Variants in ZNF792 observed in about 807,000 individuals in gnomAD.
ZNF792 encodes the protein zinc finger protein 792.
In ZNF792, 14 loss-of-function variants were observed where a neutral mutation model predicts 13.1. The ratio of observed to expected loss-of-function variants is 1.07; its 90% confidence interval spans 0.71 to 1.67. The LOEUF is 1.67. ZNF792 is among the 40% of genes most tolerant of loss of function. ZNF792 has a pLI of 0.00. For synonymous variants in ZNF792, 257 were observed against 292.0 expected, an observed-to-expected ratio of 0.88 and a Z score of 1.22; for missense variants, 740 against 807.9, an observed-to-expected ratio of 0.92 and a Z score of 1.02.
In ZNF792 at chr19:34,959,326, G is replaced by C. The variant is rs201934340; in HGVS notation, c.529C>G (p.Arg177Gly). The C allele has an allele frequency of 1.2e-6, 2 of 1,613,646 alleles. No individual in the cohort carries two copies. The highest frequency in any genetic ancestry group is 1.7e-6 in the Non-Finnish European group (2 of 1,179,682). The change falls in exon 4 of 4, where the codon CGG (arginine) becomes GGG (glycine). Residue 177 changes from arginine (R) to glycine (G), a missense_variant. Arg to Gly is a moderately radical substitution (Grantham distance 125, BLOSUM62 -2). Transcript: ENST00000404801. ...KGSEFSANLP[R>G]KQVQQNVHNP... ...TGTACGTTCTGCTGCACCTGTTTCCGGGGAAGGTTTGCACTGAACTCAGAG... is the reference window on the plus strand; with the variant it reads ...TGTACGTTCTGCTGCACCTGTTTCCCGGGAAGGTTTGCACTGAACTCAGAG...
Position 34,959,200 on chromosome 19 carries a change from A to G in ZNF792, c.655T>C (p.Phe219Leu). Reference sequence around the variant, plus strand: ...TGCAGAAACCCTGCTGTGGCCACAAAGTCCTTCCCACCCTCCCTGCAGGTG... The same window carrying G: ...TGCAGAAACCCTGCTGTGGCCACAAGGTCCTTCCCACCCTCCCTGCAGGTG... ...LSTCREGGKDFVATAGFLQCE... is the reference protein window; with the variant it reads ...LSTCREGGKDLVATAGFLQCE... The change falls in exon 4 of 4, where the codon TTT becomes CTT. Residue 219 changes from phenylalanine to leucine, a missense_variant. Coordinates refer to ENST00000404801, the MANE Select transcript of ZNF792 (RefSeq NM_175872.5). 2.5e-6 allele frequency: 4 copies of G among 1,614,044 alleles called. No individual in the cohort carries two copies. The highest frequency in any genetic ancestry group is 2.2e-5 in the South Asian group (2 of 91,086).
In ZNF792 at chr19:34,958,162, T is replaced by A. The variant is rs367747987; in HGVS notation, c.1693A>T (p.Ser565Cys). ...VHKPDRPYEC[S>C]ECGKAFNQRP... ...TGGTTGAAGGCTTTCCCACATTCGC[T>A]GCATTCGTAAGGCCTGTCTGGTTTG... The change falls in exon 4 of 4, where the codon AGC becomes TGC. Residue 565 changes from serine (S) to cysteine (C), a missense_variant. Transcript: ENST00000404801. The A allele has an allele frequency of 1.2e-5, 19 of 1,611,830 alleles. No individual in the cohort carries two copies. The highest frequency in any genetic ancestry group is 1.6e-5 in the Non-Finnish European group (19 of 1,178,200).
chr19:34,961,005 G>T lies in ZNF792; in HGVS notation c.34-11C>A. 1 of 1,610,222 alleles carries T rather than the reference G, an allele frequency of 6.2e-7. No individual in the cohort carries two copies. Among genetic ancestry groups the T allele is most frequent in the Non-Finnish European group, 8.5e-7 (1 of 1,177,674 alleles). On this transcript the variant is annotated splice_polypyrimidine_tract_variant and intron_variant, in intron 1 of 3. Coordinates refer to ENST00000404801, the MANE Select transcript of ZNF792 (RefSeq NM_175872.5). ...AAAGGTCACGCAGCCCTGCCATGATGGGGACAGTTCGTTCCATGATCAGTC... is the reference window on the plus strand; with the variant it reads ...AAAGGTCACGCAGCCCTGCCATGATTGGGACAGTTCGTTCCATGATCAGTC...
chr19:34,956,627 A>G lies in ZNF792; in HGVS notation c.*1329T>C, dbSNP rs1044823555. ...AAAGCATTAAAAGAAACTGTTGCACATAAAAATCCAACTTCCTACTCATTT... is the reference window on the plus strand; with the variant it reads ...AAAGCATTAAAAGAAACTGTTGCACGTAAAAATCCAACTTCCTACTCATTT... On this transcript the variant is annotated 3_prime_UTR_variant, in exon 4 of 4. Transcript: ENST00000404801. 1.3e-5 allele frequency: 2 copies of G among 152,238 alleles called. No individual in the cohort carries two copies. The highest frequency in any genetic ancestry group is 4.8e-5 in the African/African-American group (2 of 41,462). 9.4% of individuals were successfully genotyped at this position (152,238 alleles called of 1,614,324 possible).
chr19:34,963,861 G>A lies in ZNF792; in HGVS notation c.-199C>T, dbSNP rs759904988. 6.6e-6 allele frequency: 4 copies of A among 608,568 alleles called. No individual in the cohort carries two copies. Among genetic ancestry groups the A allele is most frequent in the South Asian group, 2.3e-5 (1 of 43,938 alleles). 37.7% of individuals were successfully genotyped at this position (608,568 alleles called of 1,614,324 possible). A position where few individuals can be genotyped will look rare whatever the true frequency, so the allele number is the denominator to read the frequency against. The stretch of plus-strand genomic sequence containing the variant: ...CCGGGGCGCAGGCTCCGGGGGCGCC[G>A]AGAGCGCGCAGCTCCGCTGGGTACC... On this transcript the variant is annotated 5_prime_UTR_variant, in exon 1 of 4. Transcript: ENST00000404801.
chr19:34,959,046 A>T lies in ZNF792; in HGVS notation c.809T>A (p.Val270Asp), dbSNP rs2013483616. Residue 270 changes from valine to aspartate, a missense_variant, in exon 4 of 4, where the codon GTT becomes GAT. By Grantham distance (152) the Val-to-Asp change is radical (BLOSUM62 -3). Coordinates refer to ENST00000404801, the MANE Select transcript of ZNF792 (RefSeq NM_175872.5). ...TCTGCTGTGGATTCTCTGGTGCTGA[A>T]CAAGAGTGGATTTGTTATTGAAGGC... is the stretch of plus-strand genomic sequence containing the variant. Reference protein sequence around the residue: ...GDAFNNKSTLVQHQRIHSRER... With the variant: ...GDAFNNKSTLDQHQRIHSRER... 4 of 1,614,092 alleles carry T rather than the reference A, an allele frequency of 2.5e-6. No individual in the cohort carries two copies. Among genetic ancestry groups the T allele is most frequent in the Non-Finnish European group, 3.4e-6 (4 of 1,180,018 alleles).
At chr19:34,959,639 T>C in intron 3 of ZNF792, 68 bp from the exon 4 acceptor site, 2 of 1,475,586 alleles carry the variant, frequency 1.4e-6, no homozygotes, top group Non-Finnish European at 1.8e-6. Context: ...CCATCACCTA[T>C]GCTTGGCTGA....
chr19:34,958,646 G>T lies in ZNF792; in HGVS notation c.1209C>A (p.Phe403Leu). 1 of 1,613,860 alleles carries T rather than the reference G, an allele frequency of 6.2e-7. No individual in the cohort carries two copies. Reference protein sequence around the residue: ...AHECSECGKSFNCNSSLIKHW... With the variant: ...AHECSECGKSLNCNSSLIKHW... ...GTTTAATTAGGCTGGAGTTGCAGTTGAAAGATTTCCCACATTCACTGCACT... is the reference window on the plus strand; with the variant it reads ...GTTTAATTAGGCTGGAGTTGCAGTTTAAAGATTTCCCACATTCACTGCACT... Residue 403 changes from phenylalanine to leucine, a missense_variant, in exon 4 of 4, where the codon TTC (phenylalanine) becomes TTA (leucine). By Grantham distance (22) the Phe-to-Leu change is conservative. Transcript: ENST00000404801.
At chr19:34,960,451 G>A in intron 2 of ZNF792, 94 bp from the exon 3 acceptor site, 3 of 1,493,676 alleles carry the variant, frequency 2.0e-6, no homozygotes, top group Non-Finnish European at 2.7e-6. Flanking sequence ...TATGACACAG[G>A]GACATTGGGT....
In ZNF792 at chr19:34,958,865, C is replaced by T. The variant is rs777929616; in HGVS notation, c.990G>A (p.Arg330=). ...CGTGAGGGCTTTCACCGGTGTGAAC[C>T]CTGCGATGTTTAACAAGGCTGGAGT... The part of the protein sequence containing the change: ...SQHSSLVKHR[R]VHTGESPHVC... Residue 330 remains arginine, a synonymous_variant, in exon 4 of 4, where the codon AGG becomes AGA. Coordinates refer to ENST00000404801, the MANE Select transcript of ZNF792 (RefSeq NM_175872.5). 1 of 1,613,542 alleles carries T rather than the reference C, an allele frequency of 6.2e-7. No individual in the cohort carries two copies. Among genetic ancestry groups the T allele is most frequent in the Non-Finnish European group, 8.5e-7 (1 of 1,179,590 alleles).
At position 34,961,006 on chromosome 19, in the gene ZNF792, G is replaced by A. The variant is rs375746418; in HGVS notation, c.34-12C>T. ...AAGGTCACGCAGCCCTGCCATGATG[G>A]GGACAGTTCGTTCCATGATCAGTCT... On this transcript the variant is annotated splice_polypyrimidine_tract_variant and intron_variant, in intron 1 of 3. Transcript: ENST00000404801. 34 of 1,608,494 alleles carry A rather than the reference G, an allele frequency of 2.1e-5. No homozygotes were observed. The African/African-American group carries it at 4.4e-4, about 21-fold the overall frequency.
In ZNF792 at chr19:34,960,888, A is replaced by G; in HGVS notation, c.140T>C (p.Phe47Ser). ...LLYCDVMLEN[F>S]ALIASLGLIS... is the part of the protein sequence containing the mutation. Reference sequence around the variant, plus strand: ...CTTACCCAGCGAGGCTATAAGTGCAAAGTTTTCCAGCATCACATCGCAGTA... The same window carrying G: ...CTTACCCAGCGAGGCTATAAGTGCAGAGTTTTCCAGCATCACATCGCAGTA... Residue 47 changes from phenylalanine to serine, a missense_variant, in exon 2 of 4, where the codon TTT (phenylalanine) becomes TCT (serine). Physicochemically the swap from Phe to Ser is radical, Grantham distance 155. Transcript: ENST00000404801. 1 of 1,614,010 alleles carries G rather than the reference A, an allele frequency of 6.2e-7. No homozygotes were observed. Among genetic ancestry groups the G allele is most frequent in the Non-Finnish European group, 8.5e-7 (1 of 1,179,966 alleles).
In ZNF792 at chr19:34,959,418, T is replaced by C; in HGVS notation, c.437A>G (p.His146Arg). The C allele has an allele frequency of 1.9e-6, 3 of 1,614,184 alleles. No homozygotes were observed. The highest frequency in any genetic ancestry group is 1.3e-5 in the African/African-American group (1 of 75,044). The change falls in exon 4 of 4, where the codon CAT becomes CGT. Residue 146 changes from histidine to arginine, a missense_variant. Coordinates refer to ENST00000404801, the MANE Select transcript of ZNF792 (RefSeq NM_175872.5). ...ICGLRLKDIL[H>R]LAEHQTTHPR... is the part of the protein sequence containing the mutation. ...ATGTGTTGTCTGGTGTTCAGCCAAA[T>C]GCAAAATGTCTTTCAAACGTAGGCC...
chr19:34,962,512 A>C (rs1379437174), intron 1 of ZNF792, among the ~76,000 whole-genome samples: 1 of 152,102 alleles, frequency 6.6e-6, no homozygotes, highest in Non-Finnish European at 1.5e-5. Flanking sequence ...TTATTAATCA[A>C]ACCCTGGCCA....
In ZNF792 at chr19:34,960,950, C is replaced by T; in HGVS notation, c.78G>A (p.Glu26=). ...GAGCCTCATCGAGGAGCACCCACTC[C>T]TCCTGGGAGAAGTAAATGGTCACGT... ...FEDVTIYFSQ[E]EWVLLDEAQR... is the part of the protein sequence containing the mutation. The change falls in exon 2 of 4, where the codon GAG becomes GAA. Residue 26 remains glutamate (E), a synonymous_variant. Coordinates refer to ENST00000404801, the MANE Select transcript of ZNF792 (RefSeq NM_175872.5). The T allele has an allele frequency of 6.2e-7, 1 of 1,614,014 alleles. No homozygotes were observed. The highest frequency in any genetic ancestry group is 8.5e-7 in the Non-Finnish European group (1 of 1,179,926).
Position 34,959,087 on chromosome 19 carries a change from G to T in ZNF792, c.768C>A (p.Cys256Ter). The change falls in exon 4 of 4, where the codon TGC (cysteine) becomes TGA (stop). Residue 256 changes from cysteine (C) to a stop codon, truncating the protein, a stop_gained. Coordinates refer to ENST00000404801, the MANE Select transcript of ZNF792 (RefSeq NM_175872.5). LOFTEE classifies it low-confidence loss of function (END_TRUNC). The stretch of plus-strand genomic sequence containing the variant: ...TATTGAAGGCATCCCCAGATTCACA[G>T]CACTTGTTATGCCTTAGTGCAATGT... ...DFHIALRHNK[C>*]CESGDAFNNK... The T allele has an allele frequency of 1.2e-6, 2 of 1,614,166 alleles. No homozygotes were observed. The highest frequency in any genetic ancestry group is 1.3e-5 in the African/African-American group (1 of 75,056).
At chr19:34,963,590 G>A (rs1361571175) in intron 1 of ZNF792, 40 bp downstream of exon 1, 1 of 1,590,876 alleles carries the variant, frequency 6.3e-7, no homozygotes, top group Non-Finnish European at 8.5e-7. Flanking sequence ...ACAGAAGCGT[G>A]GGGGGCCGAC....
intron 1 of ZNF792, 39 bp downstream of exon 1, chr19:34,963,591 G>A: frequency 6.3e-7 from 1 of 1,592,132 alleles, no homozygotes; most frequent in East Asian, 2.3e-5. Context: ...CAGAAGCGTG[G>A]GGGGCCGACA....
chr19:34,964,079 AG>A lies in ZNF792; in HGVS notation c.-418del, dbSNP rs2013572956. The A allele has an allele frequency of 5.5e-6, 1 of 182,242 alleles. No homozygotes were observed. The highest frequency in any genetic ancestry group is 2.4e-5 in the African/African-American group (1 of 42,326). The allele number at this position is 182,242 out of a possible 1,614,324, so 11.3% of individuals were successfully genotyped here. On this transcript the variant is annotated 5_prime_UTR_variant, in exon 1 of 4. The change abolishes the stop of an existing upstream ORF in the 5' untranslated region. Transcript: ENST00000404801. ...GAAATGACCTGCGAGGCTGCAGTGCAGGAAGTTCCGGCCCCCACCGTGGCGG... is the reference window on the plus strand; with the variant it reads ...GAAATGACCTGCGAGGCTGCAGTGCAGAAGTTCCGGCCCCCACCGTGGCGG...
Sources: gnomAD v4.1 joint callset for allele counts (sites outside exome capture counted in the v4.1 genomes callset) on GRCh38, gnomAD v4.1.1 for gene constraint, MANE v1.5 for transcripts, NCBI Gene and HGNC (gene_info 2026-07-23, HGNC 2026-07-21) for gene names.